Variants in ITIH3 observed in about 807,000 individuals in gnomAD.
ITIH3 encodes the protein inter-alpha-trypsin inhibitor heavy chain 3, also known as inter-alpha-trypsin inhibitor heavy chain H3.
A neutral mutation model predicts 96.5 loss-of-function variants in ITIH3; 81 were observed. That is an observed-to-expected ratio of 0.84 (90% confidence interval 0.70 to 1.01). The LOEUF is 1.01. Ranked by LOEUF, ITIH3 falls within the 50% of genes least tolerant of loss-of-function variation. The pLI is 0.00. For synonymous variants in ITIH3, 422 were observed against 445.2 expected, an observed-to-expected ratio of 0.95 and a Z score of 0.66; for missense variants, 1,057 against 1,139.3, an observed-to-expected ratio of 0.93 and a Z score of 1.04.
At chr3:52,806,539 G>C (rs1449043598) in intron 18 of ITIH3, 133 bp downstream of exon 18, 2 of 696,638 alleles carry the variant, frequency 2.9e-6, no homozygotes, top group African/African-American at 1.8e-5. Flanking sequence ...GAAACCCCTG[G>C]GGGTGGGGAG....
chr3:52,799,599 AG>A, intron 8 of ITIH3, 111 bp downstream of exon 8: 1 of 1,064,230 alleles, frequency 9.4e-7, no homozygotes, highest in Non-Finnish European at 1.3e-6. Context: ...GAAAGGGGAC[AG>A]GATAAGAGAA....
intron 9 of ITIH3, 89 bp from the exon 10 acceptor site, chr3:52,800,449 C>T (rs767255040): frequency 2.4e-5 from 36 of 1,494,426 alleles, no homozygotes; most frequent in Non-Finnish European, 3.2e-5. Context: ...ATGAGTGGGG[C>T]CGGCTGTCCC....
At position 52,800,644 on chromosome 3, in the gene ITIH3, TGATGGG is replaced by T; in HGVS notation, c.1187_1192del (p.Gly396_Asp397del). 6.3e-7 allele frequency: 1 copy of T among 1,596,704 alleles called. No individual in the cohort carries two copies. Reference sequence around the variant, plus strand: ...GCACCTCCATTGTCATCATGCTGACTGATGGGGATGCCAATGTTGGTGAGGAGCACG... The same window carrying T: ...GCACCTCCATTGTCATCATGCTGACTGATGCCAATGTTGGTGAGGAGCACG... On this transcript the variant is annotated inframe_deletion, in exon 10 of 22. Transcript: ENST00000449956.
At chr3:52,804,344 T>A (rs1699960453) in intron 14 of ITIH3, 1 of 438,594 alleles carries the variant, frequency 2.3e-6, no homozygotes, top group Admixed American at 4.0e-5. Context: ...ATGAAAGGCC[T>A]GGAGCAGGCT....
In ITIH3 at chr3:52,799,781, A is replaced by G; in HGVS notation, c.935A>G (p.Glu312Gly). The G allele has an allele frequency of 6.2e-7, 1 of 1,613,418 alleles. No homozygotes were observed. The highest frequency in any genetic ancestry group is 8.5e-7 in the Non-Finnish European group (1 of 1,179,642). ...AAGGAGGCCCTTCTCAGAATCCTGG[A>G]AGATATGCAAGAGGAAGACTATCTG... ...QTKEALLRIL[E>G]DMQEEDYLNF... Residue 312 changes from glutamate to glycine, a missense_variant, in exon 9 of 22, where the codon GAA becomes GGA. Coordinates refer to ENST00000449956, the MANE Select transcript of ITIH3 (RefSeq NM_002217.4).
At position 52,800,613 on chromosome 3, in the gene ITIH3, A is replaced by G. The variant is rs531491473; in HGVS notation, c.1151A>G (p.Glu384Gly). 5 of 1,584,244 alleles carry G rather than the reference A, an allele frequency of 3.2e-6. No homozygotes were observed. In the African/African-American group the frequency reaches 5.4e-5, roughly 17 times the overall value. The change falls in exon 10 of 22, where the codon GAG becomes GGG. Residue 384 changes from glutamate to glycine, a missense_variant. By Grantham distance (98) the Glu-to-Gly change is moderately conservative. Transcript: ENST00000449956. ...GCCCGAGAGGAGCACAGAATCCCAG[A>G]GAGGAGCACCTCCATTGTCATCATG... is the stretch of plus-strand genomic sequence containing the variant. ...NKAREEHRIP[E>G]RSTSIVIMLT... is the part of the protein sequence containing the mutation.
rs750914193 is a variant in ITIH3 at position 52,794,907 on chromosome 3, C to T, written c.93+11C>T. 2.5e-6 allele frequency: 4 copies of T among 1,606,898 alleles called. No individual in the cohort carries two copies. Among genetic ancestry groups the T allele is most frequent in the Admixed American group, 1.7e-5 (1 of 59,998 alleles). ...TTTCGGCTGCTTGGGGTGAGTCTGCCCCCTCTTTGCCATCTGGGTCTTGGT... is the reference window on the plus strand; with the variant it reads ...TTTCGGCTGCTTGGGGTGAGTCTGCTCCCTCTTTGCCATCTGGGTCTTGGT... On this transcript the variant is annotated intron_variant, in intron 1 of 21. Transcript: ENST00000449956.
intron 3 of ITIH3, 45 bp from the exon 4 acceptor site, chr3:52,796,694 C>A: frequency 1.2e-6 from 2 of 1,605,878 alleles, no homozygotes; most frequent in Non-Finnish European, 1.7e-6. Flanking sequence ...AACAGGGGGT[C>A]TGGCCCAGTG....
intron 6 of ITIH3, 42 bp from the exon 7 acceptor site, chr3:52,798,924 C>A (rs117689634): frequency 0.012 from 18,937 of 1,605,380 alleles, 784 homozygotes; most frequent in South Asian, 0.12. Context: ...AGTGGGCAGG[C>A]CCTGGCCGAG....
intron 21 of ITIH3, 77 bp downstream of exon 21, chr3:52,808,298 G>A (rs1700129496): frequency 7.8e-7 from 1 of 1,280,908 alleles, no homozygotes; most frequent in Non-Finnish European, 1.1e-6. Context: ...AGGCACATTA[G>A]TCTGGTGGGC....
At position 52,807,754 on chromosome 3, in the gene ITIH3, A is replaced by G. The variant is rs1700107728; in HGVS notation, c.2269A>G (p.Met757Val). ...TCTGGCTTCCTCTCGTAGGCTGTCC[A>G]TGATGATCAACAGGAAGAACATGGT... ...TVTVTQDGLS[M>V]MINRKNMVVS... Residue 757 changes from methionine to valine, a missense_variant, in exon 20 of 22, where the codon ATG (methionine) becomes GTG (valine). Met to Val is a conservative substitution (Grantham distance 21). Coordinates refer to ENST00000449956, the MANE Select transcript of ITIH3 (RefSeq NM_002217.4). 1 of 1,610,238 alleles carries G rather than the reference A, an allele frequency of 6.2e-7. No individual in the cohort carries two copies. Among genetic ancestry groups the G allele is most frequent in the Non-Finnish European group, 8.5e-7 (1 of 1,178,420 alleles).
At chr3:52,804,774 G>A (rs1173564664) in intron 15 of ITIH3, 40 bp downstream of exon 15, 1 of 1,579,886 alleles carries the variant, frequency 6.3e-7, no homozygotes, top group South Asian at 1.2e-5. Context: ...CATTATGGAA[G>A]GGAGACAAGA....
intron 4 of ITIH3, 36 bp from the exon 5 acceptor site, chr3:52,797,069 G>A (rs1467700603): frequency 6.3e-7 from 1 of 1,595,658 alleles, no homozygotes; most frequent in Non-Finnish European, 8.5e-7. Context: ...GGCTCCTGCA[G>A]TCTTTGAGGG....
rs1017059317 is a variant in ITIH3 at position 52,802,370 on chromosome 3, G to A, written c.1420G>A (p.Gly474Ser). Residue 474 changes from glycine (G) to serine (S), a missense_variant, in exon 12 of 22, where the codon GGT (glycine) becomes AGT (serine). Transcript: ENST00000449956. ...YEEVANPLLT[G>S]VEMEYPENAI... is the part of the protein sequence containing the mutation. ...GGAGGTGGCCAACCCACTGCTGACG[G>A]GTGTGGAGATGGAGTACCCCGAGAA... 12 of 1,613,842 alleles carry A rather than the reference G, an allele frequency of 7.4e-6. No individual in the cohort carries two copies. The highest frequency in any genetic ancestry group is 6.7e-5 in the African/African-American group (5 of 74,926).
intron 14 of ITIH3, 51 bp from the exon 15 acceptor site, chr3:52,804,675 C>T (rs377454605): frequency 5.8e-5 from 91 of 1,561,714 alleles, no homozygotes; most frequent in Non-Finnish European, 7.4e-5. Flanking sequence ...CTCACAAGTG[C>T]CCTATGGCTT....
At chr3:52,795,907 A>C in intron 2 of ITIH3, 1 of 456,020 alleles carries the variant, frequency 2.2e-6, no homozygotes, top group Non-Finnish European at 3.9e-6. Flanking sequence ...GGCTCTGTGA[A>C]GCGGTCCCTG....
intron 15 of ITIH3, 121 bp from the exon 16 acceptor site, chr3:52,805,687 C>A: frequency 6.5e-7 from 1 of 1,540,136 alleles, no homozygotes; most frequent in South Asian, 1.2e-5. Flanking sequence ...CACATCTCCA[C>A]CTCTATCTGC....
chr3:52,805,540 G>GAGAA, intron 15 of ITIH3: 1 of 1,302,114 alleles, frequency 7.7e-7, no homozygotes. Flanking sequence ...ACTCAAGAGA[G>GAGAA]AGAAGATGAC....
At position 52,794,848 on chromosome 3, in the gene ITIH3, C is replaced by T. The variant is rs1216816102; in HGVS notation, c.45C>T (p.Ser15=). ...WWPCLILALL[S]SLAASGFPRS... is the part of the protein sequence containing the mutation. ...CCTGTCTCATCTTGGCTCTGCTCTC[C>T]AGCTTGGCAGCCTCTGGCTTCCCGA... The change falls in exon 1 of 22, where the codon TCC becomes TCT. Residue 15 remains serine, a synonymous_variant. Coordinates refer to ENST00000449956, the MANE Select transcript of ITIH3 (RefSeq NM_002217.4). The T allele has an allele frequency of 4.3e-6, 7 of 1,613,924 alleles. No individual in the cohort carries two copies. The South Asian group carries it at 5.5e-5, about 13-fold the overall frequency.
Sources: gnomAD v4.1 joint callset for allele counts on GRCh38, gnomAD v4.1.1 for gene constraint, MANE v1.5 for transcripts, NCBI Gene and HGNC (gene_info 2026-07-23, HGNC 2026-07-21) for gene names.